YAE1: variants seen among roughly 807,000 people sequenced by gnomAD.
The protein encoded by YAE1 is protein YAE1 homolog.
A neutral mutation model predicts 23.0 loss-of-function variants in YAE1; 22 were observed. The ratio of observed to expected loss-of-function variants is 0.96; its 90% confidence interval spans 0.68 to 1.37. The LOEUF is 1.37. Ranked by LOEUF, YAE1 falls within the 40% of genes most tolerant of loss-of-function variation. YAE1 has a pLI of 0.00. For missense variants in YAE1, 260 were observed against 262.1 expected, an observed-to-expected ratio of 0.99 and a Z score of 0.06; for synonymous variants, 101 against 97.0, an observed-to-expected ratio of 1.04 and a Z score of -0.24.
chr7:39,576,328 T>C (rs1263348163), downstream of YAE1, among the ~76,000 whole-genome samples: 5 of 152,214 alleles, frequency 3.3e-5, no homozygotes, highest in African/African-American at 4.8e-5. Flanking sequence ...TCCAAAACAG[T>C]TTACTTCCCT....
intron 2 of YAE1, among the ~76,000 whole-genome samples, chr7:39,587,003 C>CTTTCTTTTCT (rs10675369): frequency 4.2e-4 from 63 of 149,244 alleles, no homozygotes; most frequent in South Asian, 1.7e-3. Context: ...TGGAAAGAGT[C>CTTTCTTTTCT]TTTCTTTTCT....
chr7:39,588,417 C>T (rs1790852157), intron 2 of YAE1, among the ~76,000 whole-genome samples: 2 of 150,540 alleles, frequency 1.3e-5, no homozygotes, highest in African/African-American at 4.9e-5. Flanking sequence ...GTGGCTGAGG[C>T]AGGAGATCGC....
Position 39,572,577 on chromosome 7 carries a change from A to G in YAE1, c.552A>G (p.Glu184=). 6.2e-7 allele frequency: 1 copy of G among 1,614,144 alleles called. No homozygotes were observed. Among genetic ancestry groups the G allele is most frequent in the Non-Finnish European group, 8.5e-7 (1 of 1,179,970 alleles). Residue 184 remains glutamate, a synonymous_variant, in exon 3 of 3, where the codon GAA becomes GAG. Transcript: ENST00000223273. ...SHSGIDCSYV[E]CCRTQEHAHS... ...GTGGGATAGATTGTTCATATGTAGAATGTTGTAGAACACAGGAGCATGCAC... is the reference window on the plus strand; with the variant it reads ...GTGGGATAGATTGTTCATATGTAGAGTGTTGTAGAACACAGGAGCATGCAC...
At chr7:39,589,830 G>T (rs1420355149) in intron 2 of YAE1, among the ~76,000 whole-genome samples, 3 of 152,140 alleles carry the variant, frequency 2.0e-5, no homozygotes, top group African/African-American at 4.8e-5. Flanking sequence ...GCAGGCAGTC[G>T]CATTTAGGAA....
At chr7:39,574,733 CAAAA>C (rs574580885), downstream of YAE1, among the ~76,000 whole-genome samples, 3 of 78,078 alleles carry the variant, frequency 3.8e-5, no homozygotes, top group African/African-American at 1.2e-4. Flanking sequence ...ACTCTGTCTC[CAAAA>C]AAAAAAAAAA....
At chr7:39,578,815 A>C (rs1790698392) in intron 2 of YAE1, among the ~76,000 whole-genome samples, 1 of 152,268 alleles carries the variant, frequency 6.6e-6, no homozygotes, top group African/African-American at 2.4e-5. Context: ...CGGAGACTAC[A>C]TCGTCATACA....
chr7:39,567,842 A>G (rs1427974005), intron 1 of YAE1, among the ~76,000 whole-genome samples: 1 of 152,192 alleles, frequency 6.6e-6, no homozygotes, highest in Non-Finnish European at 1.5e-5. Context: ...ATTGTCTACT[A>G]CATAATGGTC....
exon 3 of YAE1, chr7:39,610,137 T>A: frequency 1.2e-6 from 1 of 868,776 alleles, no homozygotes; most frequent in Admixed American, 3.0e-5. Flanking sequence ...TACACGTCTC[T>A]CAAACTATGA....
intron 2 of YAE1, among the ~76,000 whole-genome samples, chr7:39,582,974 G>A (rs146994383): frequency 4.6e-5 from 7 of 152,210 alleles, no homozygotes; most frequent in African/African-American, 1.4e-4. Flanking sequence ...ATACATTTAC[G>A]TAAAAATCCC....
chr7:39,586,176 CT>C (rs3038969), intron 2 of YAE1, among the ~76,000 whole-genome samples: 250 of 142,406 alleles, frequency 1.8e-3, no homozygotes, highest in Admixed American at 2.4e-3. Context: ...TTTTTTTCCT[CT>C]TTTTTTTTTT....
chr7:39,583,284 T>C (rs1172337157), intron 2 of YAE1, among the ~76,000 whole-genome samples: 1 of 152,226 alleles, frequency 6.6e-6, no homozygotes, highest in East Asian at 1.9e-4. Context: ...GATAAAACTC[T>C]GGGAGTGCCT....
At chr7:39,578,407 A>G (rs1790689437) in intron 2 of YAE1, among the ~76,000 whole-genome samples, 1 of 152,228 alleles carries the variant, frequency 6.6e-6, no homozygotes, top group Non-Finnish European at 1.5e-5. Context: ...AGGCTGCCCA[A>G]GGGTCTAGTT....
At position 39,609,957 on chromosome 7, in the gene YAE1, A is replaced by T. The variant is rs971366118; in HGVS notation, c.592A>T (p.Arg198Ter). 3.9e-6 allele frequency: 6 copies of T among 1,521,280 alleles called. No homozygotes were observed. Among genetic ancestry groups the T allele is most frequent in the Non-Finnish European group, 5.3e-6 (6 of 1,139,884 alleles). The allele number at this position is 1,521,280 out of a possible 1,614,324, so 94.2% of individuals were successfully genotyped here. The change falls in exon 3 of 3, where the codon AGA becomes TGA. Residue 198 changes from arginine to a stop codon, truncating the protein, a stop_gained. Transcript: ENST00000432096. LOFTEE classifies it high-confidence loss of function. ...CGAAACACATTTTTCAACATATAAT[A>T]GAATCATTATCAGAGGTGGACACAT... is the stretch of plus-strand genomic sequence containing the variant.
At chr7:39,601,389 A>G (rs1468728306) in intron 2 of YAE1, among the ~76,000 whole-genome samples, 1 of 152,204 alleles carries the variant, frequency 6.6e-6, no homozygotes, top group Non-Finnish European at 1.5e-5. Context: ...AGGGCAGCTA[A>G]CACAAGTAAA....
intron 2 of YAE1, among the ~76,000 whole-genome samples, chr7:39,592,121 A>C (rs1790908806): frequency 6.6e-6 from 1 of 152,246 alleles, no homozygotes. Context: ...TTCAGCAATT[A>C]TGAGTAAAGC....
At chr7:39,607,000 T>G (rs1433974568) in intron 2 of YAE1, among the ~76,000 whole-genome samples, 1 of 152,232 alleles carries the variant, frequency 6.6e-6, no homozygotes, top group Non-Finnish European at 1.5e-5. Flanking sequence ...GTGGTTTGCT[T>G]GCTATCAACA....
At chr7:39,587,574 A>C (rs1398026991) in intron 2 of YAE1, among the ~76,000 whole-genome samples, 1 of 152,188 alleles carries the variant, frequency 6.6e-6, no homozygotes, top group Non-Finnish European at 1.5e-5. Flanking sequence ...TTTGGAATTT[A>C]CCAACTGACA....
At chr7:39,570,769 T>G (rs1385098391) in intron 2 of YAE1, 142 bp downstream of exon 2, 10 of 1,126,352 alleles carry the variant, frequency 8.9e-6, no homozygotes, top group Non-Finnish European at 1.2e-5. Flanking sequence ...AGAATTATAT[T>G]GCCTTCAAAA....
chr7:39,585,438 A>T (rs1262508937), intron 2 of YAE1, among the ~76,000 whole-genome samples: 1 of 152,160 alleles, frequency 6.6e-6, no homozygotes, highest in Admixed American at 6.5e-5. Context: ...ACCACGTGAG[A>T]ACACAGGGAA....
Sources: allele counts gnomAD v4.1 joint callset (sites outside exome capture counted in the v4.1 genomes callset), GRCh38; gene constraint gnomAD v4.1.1; transcripts MANE v1.5; gene names NCBI Gene and HGNC (gene_info 2026-07-23, HGNC 2026-07-21).